Variants in ZFHX3 observed in about 807,000 individuals in gnomAD.
ZFHX3 encodes the protein zinc finger homeobox protein 3.
In ZFHX3, 42 loss-of-function variants were observed where a neutral mutation model predicts 279.1. That is an observed-to-expected ratio of 0.15 (90% CI 0.12 to 0.19). ZFHX3 has a LOEUF of 0.19. ZFHX3 is among the 10% of genes least tolerant of loss of function. The pLI is 1.00. For missense variants in ZFHX3, 4,981 were observed against 4,754.0 expected (o/e 1.05, Z -1.40); for synonymous variants, 2,293 against 1,957.8 (o/e 1.17, Z -4.52).
chr16:73,313,006 G>A (rs538991098), intron 4 of ZFHX3, among the ~76,000 whole-genome samples: 1 of 152,310 alleles, frequency 6.6e-6, no homozygotes, highest in African/African-American at 2.4e-5. Context: ...ACCTCATGTT[G>A]AATTGTCATC....
chr16:73,003,084 G>A (rs1001521217), intron 1 of ZFHX3, among the ~76,000 whole-genome samples: 2 of 152,154 alleles, frequency 1.3e-5, no homozygotes, highest in African/African-American at 4.8e-5. Context: ...GGAGGCAGGA[G>A]TTTTAAATAG....
chr16:73,442,250 G>A (rs1199440966), intron 3 of ZFHX3, among the ~76,000 whole-genome samples: 1 of 152,228 alleles, frequency 6.6e-6, no homozygotes, highest in East Asian at 1.9e-4. Context: ...AGATCAAGGT[G>A]TTGGCAGGGT....
chr16:73,831,618 A>G (rs1960999923), intron 1 of ZFHX3, among the ~76,000 whole-genome samples: 1 of 152,218 alleles, frequency 6.6e-6, no homozygotes, highest in African/African-American at 2.4e-5. Flanking sequence ...TCACACAGAC[A>G]GTTAATCTCA....
At chr16:73,324,990 A>C (rs2015652124) in intron 3 of ZFHX3, among the ~76,000 whole-genome samples, 1 of 152,262 alleles carries the variant, frequency 6.6e-6, no homozygotes, top group Non-Finnish European at 1.5e-5. Flanking sequence ...AAATTAAATA[A>C]TAAAAAACCT....
At chr16:73,443,483 A>G (rs766813827) in intron 3 of ZFHX3, among the ~76,000 whole-genome samples, 34 of 152,346 alleles carry the variant, frequency 2.2e-4, no homozygotes, top group Admixed American at 5.2e-4. Flanking sequence ...ACACACCACA[A>G]GATCCCTTGG....
Position 73,717,109 on chromosome 16 carries a change from G to A in ZFHX3, c.-1607-36869C>T, listed in dbSNP as rs564332327. Reference sequence around the variant, plus strand: ...AGAAAACCAGATGAAAGACAGAGATGTAGTTGGGACCTACCTGAACTATTC... The same window carrying A: ...AGAAAACCAGATGAAAGACAGAGATATAGTTGGGACCTACCTGAACTATTC... On this transcript the variant is annotated intron_variant, in intron 1 of 17. Coordinates refer to the ZFHX3 transcript ENST00000641206. Among the ~76,000 whole-genome samples, 66 of 152,304 alleles carry A rather than the reference G, an allele frequency of 4.3e-4. 1 individual carries two copies. The highest frequency in any genetic ancestry group is 1.3e-3 in the African/African-American group (52 of 41,578).
intron 1 of ZFHX3, among the ~76,000 whole-genome samples, chr16:73,754,998 T>C (rs956210534): frequency 6.6e-6 from 1 of 152,176 alleles, no homozygotes; most frequent in Non-Finnish European, 1.5e-5. Flanking sequence ...TGTTTAATCT[T>C]CAAAGCACCC....
intron 2 of ZFHX3, among the ~76,000 whole-genome samples, chr16:73,562,456 C>T (rs1420127470): frequency 1.2e-4 from 18 of 151,962 alleles, no homozygotes; most frequent in Non-Finnish European, 7.4e-5. Flanking sequence ...ATTAGCTGGG[C>T]GTGGTAGCGT....
intron 1 of ZFHX3, among the ~76,000 whole-genome samples, chr16:73,849,230 G>A (rs770646865): frequency 2.0e-5 from 3 of 152,180 alleles, no homozygotes; most frequent in Non-Finnish European, 2.9e-5. Context: ...ACATCCTGAT[G>A]TTGCTTTTTA....
chr16:73,252,928 G>C (rs74030010), intron 5 of ZFHX3, among the ~76,000 whole-genome samples: 1,714 of 152,316 alleles, frequency 0.011, 30 homozygotes, highest in African/African-American at 0.035. Flanking sequence ...GGAGCTTAGA[G>C]AGAATGACCT....
At chr16:73,863,291 G>A (rs1199977449) in intron 1 of ZFHX3, among the ~76,000 whole-genome samples, 1 of 152,172 alleles carries the variant, frequency 6.6e-6, no homozygotes, top group East Asian at 1.9e-4. Flanking sequence ...GCTTTAATAG[G>A]TAGGCAATGG....
intron 3 of ZFHX3, among the ~76,000 whole-genome samples, chr16:73,379,546 G>T (rs748211731): frequency 3.3e-5 from 5 of 152,186 alleles, no homozygotes; most frequent in Non-Finnish European, 5.9e-5. Flanking sequence ...CAGGATTCTT[G>T]TGAGAATGAA....
chr16:73,696,540 C>T (rs1260854435), intron 1 of ZFHX3, among the ~76,000 whole-genome samples: 3 of 152,196 alleles, frequency 2.0e-5, no homozygotes, highest in Admixed American at 6.5e-5. Flanking sequence ...AACTCACAAC[C>T]ATTCAGCCTA....
chr16:72,901,134 A>G (rs2144130147), intron 3 of ZFHX3, among the ~76,000 whole-genome samples: 1 of 152,164 alleles, frequency 6.6e-6, no homozygotes. Flanking sequence ...GCACTCGAAA[A>G]TTTCCCAGGG....
intron 4 of ZFHX3, among the ~76,000 whole-genome samples, chr16:73,269,066 C>G (rs75476016): frequency 7.2e-5 from 11 of 152,366 alleles, no homozygotes; most frequent in East Asian, 3.9e-4. Flanking sequence ...TTAGCCTCAT[C>G]ATCTAACCTA....
At chr16:72,955,156 C>T (rs1961192338) in intron 2 of ZFHX3, among the ~76,000 whole-genome samples, 1 of 152,186 alleles carries the variant, frequency 6.6e-6, no homozygotes, top group African/African-American at 2.4e-5. Context: ...GCTCTCACAC[C>T]TTCTCAGCAG....
intron 3 of ZFHX3, among the ~76,000 whole-genome samples, chr16:73,339,850 T>C (rs971656147): frequency 2.6e-5 from 4 of 152,180 alleles, no homozygotes; most frequent in Admixed American, 6.5e-5. Flanking sequence ...GAAAGAAAGG[T>C]AGCAGCTGAT....
At position 73,297,455 on chromosome 16, in the gene ZFHX3, T is replaced by C. The variant is rs115134071; in HGVS notation, c.-1194+20785A>G. On this transcript the variant is annotated intron_variant, in intron 4 of 17. Coordinates refer to the ZFHX3 transcript ENST00000641206. ...GGACACAGTAGGAGCCCTACAAACATGTATATTTACAACAAATATCCAACC... is the reference window on the plus strand; with the variant it reads ...GGACACAGTAGGAGCCCTACAAACACGTATATTTACAACAAATATCCAACC... Among the ~76,000 whole-genome samples the C allele has an allele frequency of 6.2e-3, 940 of 152,152 alleles. 31 individuals carry two copies. Among genetic ancestry groups the C allele is most frequent in the African/African-American group, 0.022 (894 of 41,402 alleles).
rs148398110 is a variant in ZFHX3 at position 73,768,878 on chromosome 16, C to G, written c.-1607-88638G>C. On this transcript the variant is annotated intron_variant, in intron 1 of 17. Coordinates refer to the ZFHX3 transcript ENST00000641206. ...CATACAAGCTAGGAAACTGACTATT[C>G]CAGCTGAGGGAAAGGAAGAGTGAAC... Among the ~76,000 whole-genome samples, 528 of 152,210 alleles carry G rather than the reference C, an allele frequency of 3.5e-3. 5 individuals are homozygous for G. The highest frequency in any genetic ancestry group is 0.012 in the African/African-American group (508 of 41,536).
Sources: gnomAD v4.1 joint callset for allele counts (sites outside exome capture counted in the v4.1 genomes callset) on GRCh38, gnomAD v4.1.1 for gene constraint, MANE v1.5 for transcripts, NCBI Gene and HGNC (gene_info 2026-07-23, HGNC 2026-07-21) for gene names.